The following PTPRN2 variants were observed in gnomAD, a reference collection of about 807,000 sequenced individuals.
PTPRN2 encodes the protein protein tyrosine phosphatase receptor type N2, also known as receptor-type tyrosine-protein phosphatase N2.
In PTPRN2, 74 loss-of-function variants were observed where a neutral mutation model predicts 118.8. That is an observed-to-expected ratio of 0.62 (90% CI 0.52 to 0.76). The LOEUF (loss-of-function observed/expected upper bound fraction) is 0.76. Ranked by LOEUF, PTPRN2 falls within the 30% of genes least tolerant of loss-of-function variation. The pLI, the probability that PTPRN2 is intolerant of heterozygous loss-of-function variation, is 0.00. For synonymous variants in PTPRN2, 641 were observed against 608.0 expected, an observed-to-expected ratio of 1.05 and a Z score of -0.80; for missense variants, 1,481 against 1,394.4, an observed-to-expected ratio of 1.06 and a Z score of -0.99.
chr7:157,965,629 G>C (rs936480290), intron 11 of PTPRN2, among the ~76,000 whole-genome samples: 2 of 152,210 alleles, frequency 1.3e-5, no homozygotes, highest in Non-Finnish European at 2.9e-5. Context: ...GGGACCTCAG[G>C]AGGGTCAGAG....
intron 11 of PTPRN2, among the ~76,000 whole-genome samples, chr7:157,917,705 A>G (rs1295639101): frequency 6.6e-6 from 1 of 152,158 alleles, no homozygotes; most frequent in East Asian, 1.9e-4. Context: ...TTAAAATACA[A>G]TGTTTATCTT....
intron 12 of PTPRN2, among the ~76,000 whole-genome samples, chr7:157,759,550 G>T (rs968885758): frequency 6.6e-6 from 1 of 152,188 alleles, no homozygotes; most frequent in Non-Finnish European, 1.5e-5. Flanking sequence ...AGAATGAACT[G>T]CTGTCTTTTC....
At chr7:158,171,298 T>C (rs866424369) in intron 5 of PTPRN2, among the ~76,000 whole-genome samples, 723 of 26,102 alleles carry the variant, frequency 0.028, 42 homozygotes, top group Non-Finnish European at 0.043. Context: ...TACACACATA[T>C]ATATACACAC....
chr7:158,312,213 CG>C (rs1801843545), intron 3 of PTPRN2, among the ~76,000 whole-genome samples: 1 of 141,008 alleles, frequency 7.1e-6, no homozygotes, highest in Admixed American at 6.9e-5. Context: ...TGCACACACA[CG>C]TGCTCACAGA....
intron 11 of PTPRN2, among the ~76,000 whole-genome samples, chr7:157,950,636 T>C (rs1461712043): frequency 6.6e-6 from 1 of 152,252 alleles, no homozygotes; most frequent in African/African-American, 2.4e-5. Flanking sequence ...TTTCTGCTTC[T>C]GGTGGTGACA....
intron 1 of PTPRN2, chr7:158,532,765 T>C (rs775484225): frequency 7.5e-6 from 4 of 534,624 alleles, no homozygotes; most frequent in East Asian, 5.4e-5. Flanking sequence ...ACCTGTTCCT[T>C]ACAAGACTAC....
rs956480909 is a variant in PTPRN2 at position 157,569,112 on chromosome 7, C to T, written c.2838-146G>A. 1.1e-5 allele frequency: 9 copies of T among 797,582 alleles called. No homozygotes were observed. In the East Asian group the frequency reaches 1.8e-4, roughly 16 times the overall value. The allele number at this position is 797,582 out of a possible 1,614,324, so 49.4% of individuals were successfully genotyped here. On this transcript the variant is annotated intron_variant, in intron 20 of 22. Transcript: ENST00000389418. ...GGATGTGAGAGGGGGAGGAAGGACG[C>T]GGGCTGGGAGAATCCAAGTGAGGGG...
At chr7:157,736,008 G>A (rs1265173926) in intron 12 of PTPRN2, among the ~76,000 whole-genome samples, 1 of 152,170 alleles carries the variant, frequency 6.6e-6, no homozygotes. Context: ...CGGTGGGTGG[G>A]CCCCGTTCCC....
chr7:157,851,871 C>A (rs890731436), intron 12 of PTPRN2, among the ~76,000 whole-genome samples: 3 of 152,242 alleles, frequency 2.0e-5, no homozygotes, highest in African/African-American at 4.8e-5. Flanking sequence ...CCCGCGCCTG[C>A]CCTACCACTG....
At chr7:157,962,083 C>T (rs898892782) in intron 11 of PTPRN2, among the ~76,000 whole-genome samples, 10 of 152,208 alleles carry the variant, frequency 6.6e-5, no homozygotes, top group Admixed American at 5.9e-4. Context: ...GCGGGAAACA[C>T]AGGATGTGAA....
At position 158,487,773 on chromosome 7, in the gene PTPRN2, TCTC is replaced by T. The variant is rs368745799; in HGVS notation, c.163+1959_163+1961del. On this transcript the variant is annotated intron_variant, in intron 2 of 22. Transcript: ENST00000389418. ...AATCTGAGCCAGCACAGGAACCACT[TCTC>T]CTATCGCTCCCCGTCAGCCTCGCAA... 9.3e-4 allele frequency among the ~76,000 whole-genome samples: 141 copies of T among 151,948 alleles called. 1 individual carries two copies. The Middle Eastern group carries it at 0.027, about 29-fold the overall frequency.
intron 12 of PTPRN2, among the ~76,000 whole-genome samples, chr7:157,778,760 C>T (rs893240388): frequency 2.0e-5 from 3 of 151,938 alleles, no homozygotes; most frequent in African/African-American, 2.4e-5. Context: ...AACATGTCCA[C>T]GTGAATACGG....
In PTPRN2 at chr7:158,577,758, G is replaced by A. The variant is rs1828418288; in HGVS notation, c.112+9800C>T. Among the ~76,000 whole-genome samples, 3 of 152,274 alleles carry A rather than the reference G, an allele frequency of 2.0e-5. No homozygotes were observed. The South Asian group carries it at 6.2e-4, about 31-fold the overall frequency. On this transcript the variant is annotated intron_variant, in intron 1 of 22. Transcript: ENST00000389418. ...CAGAGCCACCGATCCCCAAGTATGG[G>A]ATGTGATGACAGGGACAGGGCCCAT... is the stretch of plus-strand genomic sequence containing the variant.
intron 12 of PTPRN2, among the ~76,000 whole-genome samples, chr7:157,765,686 A>T (rs544347243): frequency 2.2e-5 from 3 of 139,124 alleles, no homozygotes; most frequent in Admixed American, 2.1e-4. Flanking sequence ...TCATCCACCC[A>T]CATACCCATC....
intron 9 of PTPRN2, among the ~76,000 whole-genome samples, chr7:158,130,564 C>G (rs1396808455): frequency 6.6e-6 from 1 of 151,360 alleles, no homozygotes; most frequent in African/African-American, 2.4e-5. Flanking sequence ...CACATACACT[C>G]ATATACACAC....
rs1320464970 is a variant in PTPRN2, at chr7:158,563,712, G to T, written c.112+23846C>A. 6.6e-6 allele frequency among the ~76,000 whole-genome samples: 1 copy of T among 152,222 alleles called. No homozygotes were observed. The highest frequency in any genetic ancestry group is 1.5e-5 in the Non-Finnish European group (1 of 68,038). On this transcript the variant is annotated intron_variant, in intron 1 of 22. Transcript: ENST00000389418. This position sits in a 1 kb window ranked among gnomAD's most constrained non-coding sequence, Gnocchi z 5.1. Reference sequence around the variant, plus strand: ...GCAGTACATGAGCACTGATGTGTGAGGGGAGAAGAGAGGGGCCTTCCATCT... The same window carrying T: ...GCAGTACATGAGCACTGATGTGTGATGGGAGAAGAGAGGGGCCTTCCATCT...
At chr7:158,155,495 ACCATCATCACCAATG>A (rs1821637501) in intron 6 of PTPRN2, among the ~76,000 whole-genome samples, 1 of 120,196 alleles carries the variant, frequency 8.3e-6, no homozygotes, top group African/African-American at 3.4e-5. Flanking sequence ...CATCACCATC[ACCATCATCACCAATG>A]CCATCATCAC....
chr7:158,139,770 T>G (rs1819199482), intron 6 of PTPRN2, among the ~76,000 whole-genome samples: 1 of 152,318 alleles, frequency 6.6e-6, no homozygotes, highest in Middle Eastern at 3.4e-3. Context: ...CTGCATGTCC[T>G]GTAAGAACAA....
chr7:158,204,363 C>G (rs1156946039), intron 4 of PTPRN2, among the ~76,000 whole-genome samples: 1 of 152,252 alleles, frequency 6.6e-6, no homozygotes, highest in African/African-American at 2.4e-5. Flanking sequence ...CGTTCTCACT[C>G]TTGATCCTGC....
Sources: allele counts gnomAD v4.1 joint callset (sites outside exome capture counted in the v4.1 genomes callset), GRCh38; gene constraint gnomAD v4.1.1; non-coding constraint Gnocchi (gnomAD v3.1); transcripts MANE v1.5; gene names NCBI Gene and HGNC (gene_info 2026-07-23, HGNC 2026-07-21).